The following ZNF385D variants were observed in gnomAD, a reference collection of about 807,000 sequenced individuals.
The protein encoded by ZNF385D is zinc finger protein 385D, also known as zinc finger protein 659.
ZNF385D carries 15 observed loss-of-function variants against 35.8 expected under a neutral mutation model. The ratio of observed to expected loss-of-function variants is 0.42; its 90% confidence interval spans 0.28 to 0.64. The LOEUF is 0.64. Among genes scored for constraint, ZNF385D ranks in the 30% least tolerant of loss-of-function variants. ZNF385D has a pLI of 0.23. For synonymous variants in ZNF385D, 212 were observed against 186.8 expected (o/e 1.13, Z -1.10); for missense variants, 474 against 494.6 (o/e 0.96, Z 0.39).
At chr3:22,251,740 G>A (rs989720338) in intron 2 of ZNF385D, among the ~76,000 whole-genome samples, 5 of 151,828 alleles carry the variant, frequency 3.3e-5, no homozygotes, top group African/African-American at 1.2e-4. Flanking sequence ...CATTGCCTTA[G>A]ACCTACCTCT....
intron 2 of ZNF385D, among the ~76,000 whole-genome samples, chr3:22,264,487 A>G (rs940878278): frequency 2.6e-5 from 4 of 152,056 alleles, no homozygotes; most frequent in South Asian, 2.1e-4. Flanking sequence ...CTAATAGCAG[A>G]CAATACAGTG....
In ZNF385D at chr3:22,241,706, C is replaced by T. The variant is rs1316751254; in HGVS notation, c.107-72671G>A. On this transcript the variant is annotated intron_variant, in intron 2 of 5. Transcript: ENST00000494108. ...GAGAGGAGGCAAGAATGCTTGAATGCTTCCATATTGTTTTAACTTAGTTTA... is the reference window on the plus strand; with the variant it reads ...GAGAGGAGGCAAGAATGCTTGAATGTTTCCATATTGTTTTAACTTAGTTTA... Among the ~76,000 whole-genome samples, 4 of 150,580 alleles carry T rather than the reference C, an allele frequency of 2.7e-5. 1 individual carries two copies. The highest frequency in any genetic ancestry group is 9.8e-5 in the African/African-American group (4 of 40,626).
At chr3:22,137,975 C>T (rs1232009064) in intron 3 of ZNF385D, among the ~76,000 whole-genome samples, 1 of 152,188 alleles carries the variant, frequency 6.6e-6, no homozygotes, top group African/African-American at 2.4e-5. Flanking sequence ...AGCAAACTCT[C>T]AGGATACAAA....
At chr3:22,082,510 C>G (rs535638278) in intron 3 of ZNF385D, among the ~76,000 whole-genome samples, 1 of 152,240 alleles carries the variant, frequency 6.6e-6, no homozygotes, top group African/African-American at 2.4e-5. Context: ...GGGATGTCCA[C>G]CATTGCTGAG....
chr3:21,464,575 T>G (rs931471364), intron 4 of ZNF385D, among the ~76,000 whole-genome samples: 7 of 152,132 alleles, frequency 4.6e-5, no homozygotes, highest in African/African-American at 1.7e-4. Flanking sequence ...AACTCTTCCT[T>G]AAATAGATTA....
rs1163295655 is a variant in ZNF385D at position 21,417,755 on chromosome 3, A to C, written c.*3459T>G. 1 of 152,072 alleles carries C rather than the reference A, an allele frequency of 6.6e-6. No individual in the cohort carries two copies. Among genetic ancestry groups the C allele is most frequent in the Non-Finnish European group, 1.5e-5 (1 of 68,010 alleles). The allele number at this position is 152,072 out of a possible 1,614,324, so 9.4% of individuals were successfully genotyped here. Reference sequence around the variant, plus strand: ...TGATTTCCTGCTCTTTTAATTTTCAAGTACATATAAATACTCCTTTGCTAA... The same window carrying C: ...TGATTTCCTGCTCTTTTAATTTTCACGTACATATAAATACTCCTTTGCTAA... On this transcript the variant is annotated 3_prime_UTR_variant, in exon 8 of 8. Transcript: ENST00000281523.
intron 3 of ZNF385D, chr3:22,134,196 T>C (rs892976520): frequency 6.6e-6 from 1 of 152,046 alleles, no homozygotes; most frequent in Non-Finnish European, 1.5e-5. Flanking sequence ...CTGTAAATAT[T>C]ATATAGGTTA....
At chr3:21,818,093 C>T (rs2073232590) in intron 3 of ZNF385D, among the ~76,000 whole-genome samples, 1 of 152,028 alleles carries the variant, frequency 6.6e-6, no homozygotes, top group Non-Finnish European at 1.5e-5. Flanking sequence ...AAACGAAACA[C>T]CGCATGTTCT....
intron 3 of ZNF385D, among the ~76,000 whole-genome samples, chr3:21,999,810 A>G (rs1402692196): frequency 6.6e-6 from 1 of 151,972 alleles, no homozygotes; most frequent in Non-Finnish European, 1.5e-5. Context: ...ACAAAAAGTG[A>G]TGAAGAAAAA....
intron 2 of ZNF385D, among the ~76,000 whole-genome samples, chr3:22,206,013 T>C (rs1697126953): frequency 6.6e-6 from 1 of 151,638 alleles, no homozygotes; most frequent in Non-Finnish European, 1.5e-5. Flanking sequence ...TATACAAAAA[T>C]CAAATCAAAA....
At chr3:21,739,173 T>C (rs2069387041) in intron 1 of ZNF385D, among the ~76,000 whole-genome samples, 1 of 152,206 alleles carries the variant, frequency 6.6e-6, no homozygotes, top group African/African-American at 2.4e-5. Context: ...AGTAGAGGTC[T>C]AAGTGGTAGA....
At chr3:22,363,758 G>A (rs141215038) in intron 2 of ZNF385D, among the ~76,000 whole-genome samples, 1 of 152,134 alleles carries the variant, frequency 6.6e-6, no homozygotes, top group African/African-American at 2.4e-5. Flanking sequence ...TACTCTTAAG[G>A]AAATTTCTCT....
At chr3:22,199,255 C>A (rs1696623994) in intron 2 of ZNF385D, among the ~76,000 whole-genome samples, 1 of 151,978 alleles carries the variant, frequency 6.6e-6, no homozygotes. Context: ...ATTGTCTGCC[C>A]AATGTAGATT....
At chr3:21,422,685 A>G (rs1047424177) in intron 7 of ZNF385D, among the ~76,000 whole-genome samples, 2 of 152,260 alleles carry the variant, frequency 1.3e-5, no homozygotes, top group African/African-American at 2.4e-5. Flanking sequence ...TTGGTTCAAC[A>G]TATGCAAATC....
intron 3 of ZNF385D, among the ~76,000 whole-genome samples, chr3:21,776,345 G>C (rs2071286513): frequency 6.6e-6 from 1 of 151,812 alleles, no homozygotes; most frequent in South Asian, 2.1e-4. Flanking sequence ...CTGTTCAATT[G>C]CTCTCTCAAA....
At chr3:22,353,245 G>A (rs1442610060) in intron 2 of ZNF385D, among the ~76,000 whole-genome samples, 2 of 151,902 alleles carry the variant, frequency 1.3e-5, no homozygotes, top group African/African-American at 4.8e-5. Context: ...GAAAAATGGG[G>A]CCATTCACTC....
Position 21,683,417 on chromosome 3 carries a change from G to A in ZNF385D, c.23-18389C>T, listed in dbSNP as rs2066979276. ...GTGGATCACGAGGTCAGGAGATCAA[G>A]ACCATCCTGGCTAACACTGTGAAAC... On this transcript the variant is annotated intron_variant, in intron 1 of 7. Transcript: ENST00000281523. Among the ~76,000 whole-genome samples the A allele has an allele frequency of 1.3e-5, 2 of 149,658 alleles. 1 individual carries two copies. Among genetic ancestry groups the A allele is most frequent in the Non-Finnish European group, 3.0e-5 (2 of 67,340 alleles).
At chr3:22,069,402 G>C (rs1700121629) in intron 3 of ZNF385D, among the ~76,000 whole-genome samples, 1 of 152,178 alleles carries the variant, frequency 6.6e-6, no homozygotes, top group Non-Finnish European at 1.5e-5. Context: ...AACTAGTGTT[G>C]GCCTCGGGGT....
At chr3:22,277,579 A>G (rs998185052) in intron 2 of ZNF385D, among the ~76,000 whole-genome samples, 6 of 152,294 alleles carry the variant, frequency 3.9e-5, no homozygotes, top group East Asian at 3.9e-4. Flanking sequence ...TCATGCTATT[A>G]TAAGACTCTA....
Sources: gnomAD v4.1 joint callset for allele counts (sites outside exome capture counted in the v4.1 genomes callset) on GRCh38, gnomAD v4.1.1 for gene constraint, MANE v1.5 for transcripts, NCBI Gene and HGNC (gene_info 2026-07-23, HGNC 2026-07-21) for gene names.